Variants in CSMD3 observed in about 807,000 individuals in gnomAD.
The protein encoded by CSMD3 is CUB and Sushi multiple domains 3, also known as CUB and sushi domain-containing protein 3.
CSMD3 carries 177 observed loss-of-function variants against 435.2 expected under a neutral mutation model. The ratio of observed to expected loss-of-function variants is 0.41; its 90% CI spans 0.36 to 0.46. The LOEUF is 0.46. Among genes scored for constraint, CSMD3 ranks in the 20% least tolerant of loss-of-function variants. CSMD3 has a pLI of 0.34. For missense variants in CSMD3, 4,265 were observed against 4,504.6 expected (o/e 0.95, Z 1.52); for synonymous variants, 1,656 against 1,520.5 (o/e 1.09, Z -2.07).
intron 13 of CSMD3, among the ~76,000 whole-genome samples, chr8:112,744,388 T>C (rs1016088108): frequency 1.3e-5 from 2 of 152,128 alleles, no homozygotes; most frequent in African/African-American, 2.4e-5. Flanking sequence ...AAATAAGTAA[T>C]TGAAATTATT....
At chr8:113,402,521 T>A (rs2094514816) in intron 1 of CSMD3, among the ~76,000 whole-genome samples, 1 of 151,310 alleles carries the variant, frequency 6.6e-6, no homozygotes, top group African/African-American at 2.4e-5. Context: ...GTTAGGTGTT[T>A]AGGATATAAT....
intron 4 of CSMD3, among the ~76,000 whole-genome samples, chr8:113,136,242 A>AC (rs2091415857): frequency 6.6e-6 from 1 of 151,850 alleles, no homozygotes; most frequent in Non-Finnish European, 1.5e-5. Flanking sequence ...AGTATTTGAT[A>AC]CCAAGCACTT....
rs573105223 is a variant in CSMD3, at chr8:113,099,014, T to C, written c.710-51A>G. 6.6e-6 allele frequency: 8 copies of C among 1,215,500 alleles called. No individual in the cohort carries two copies. The South Asian group carries it at 7.3e-5, about 11-fold the overall frequency. The allele number at this position is 1,215,500 out of a possible 1,614,324, so 75.3% of individuals were successfully genotyped here. ...TTGTAAGTTATTGAGATAAATGCAA[T>C]TGTTCAGTTGTAAGTAAAGCAAGTC... On this transcript the variant is annotated intron_variant, in intron 4 of 70. Transcript: ENST00000297405.
chr8:113,222,782 A>G (rs542016056), intron 3 of CSMD3, among the ~76,000 whole-genome samples: 260 of 151,176 alleles, frequency 1.7e-3, no homozygotes, highest in South Asian at 2.9e-3. Context: ...TGTGATTGTG[A>G]TTTTTATAAT....
At chr8:112,393,703 A>C (rs1830631793) in intron 35 of CSMD3, among the ~76,000 whole-genome samples, 1 of 152,274 alleles carries the variant, frequency 6.6e-6, no homozygotes, top group South Asian at 2.1e-4. Flanking sequence ...CTGGTGAAAT[A>C]ACCATGTCAA....
chr8:112,689,270 C>T (rs756982827), intron 14 of CSMD3, among the ~76,000 whole-genome samples: 8 of 152,020 alleles, frequency 5.3e-5, no homozygotes, highest in Non-Finnish European at 1.0e-4. Context: ...TAATTGAGCA[C>T]ACCAAGTGCG....
At chr8:113,355,993 A>G (rs144477607) in intron 1 of CSMD3, among the ~76,000 whole-genome samples, 337 of 151,510 alleles carry the variant, frequency 2.2e-3, no homozygotes, top group African/African-American at 7.8e-3. Context: ...ACATGATTTT[A>G]GCAAGTCTAA....
intron 28 of CSMD3, among the ~76,000 whole-genome samples, chr8:112,513,411 G>A (rs1167587626): frequency 6.6e-6 from 1 of 152,118 alleles, no homozygotes; most frequent in East Asian, 1.9e-4. Flanking sequence ...AGAGAGACAT[G>A]GAGGAACAGT....
Position 112,587,208 on chromosome 8 carries a change from T to C in CSMD3, c.3743A>G (p.Asn1248Ser), listed in dbSNP as rs938042830. The C allele has an allele frequency of 3.1e-6, 5 of 1,610,162 alleles. No homozygotes were observed. Among genetic ancestry groups the C allele is most frequent in the Non-Finnish European group, 4.2e-6 (5 of 1,177,338 alleles). The change falls in exon 23 of 71, where the codon AAT becomes AGT. Residue 1248 changes from asparagine (N) to serine (S), a missense_variant. Coordinates refer to ENST00000297405, the MANE Select transcript of CSMD3 (RefSeq NM_198123.2). ...VAECGASATNNEGILLSPNYP... is the reference protein window; with the variant it reads ...VAECGASATNSEGILLSPNYP... ...ATTTGGAGACAGCAAAATTCCTTCA[T>C]TATTCGTTGCAGATGCACCACATTC...
intron 5 of CSMD3, among the ~76,000 whole-genome samples, chr8:113,095,080 A>G (rs1165632678): frequency 6.6e-6 from 1 of 152,078 alleles, no homozygotes; most frequent in Admixed American, 6.6e-5. Flanking sequence ...CAGAAAAAAA[A>G]AAAATCACAT....
intron 27 of CSMD3, among the ~76,000 whole-genome samples, chr8:112,529,025 GTCT>G (rs757888870): frequency 4.3e-4 from 66 of 152,186 alleles, no homozygotes; most frequent in Non-Finnish European, 8.8e-4. Context: ...GATGTCCCAA[GTCT>G]TCTTTGCTGC....
rs553780496 is a variant in CSMD3 at position 112,381,178 on chromosome 8, T to C, written c.6032-722A>G. Among the ~76,000 whole-genome samples the C allele has an allele frequency of 2.1e-3, 308 of 143,746 alleles. 2 individuals carry two copies. The highest frequency in any genetic ancestry group is 7.2e-3 in the African/African-American group (295 of 41,028). 94.3% of individuals were successfully genotyped at this position (143,746 alleles called of 152,430 possible). ...ACAGCTAGATAGATAGATTATTCTA[T>C]ACCAGGTCAAGTGCCTCAATGTTTC... On this transcript the variant is annotated intron_variant, in intron 37 of 70. Transcript: ENST00000297405.
At chr8:113,308,130 A>C (rs2093836333) in intron 2 of CSMD3, among the ~76,000 whole-genome samples, 1 of 151,692 alleles carries the variant, frequency 6.6e-6, no homozygotes. Context: ...ATATTACAAA[A>C]TTTTGCTATT....
At chr8:112,253,825 GT>G (rs1445897406) in intron 63 of CSMD3, among the ~76,000 whole-genome samples, 1 of 151,962 alleles carries the variant, frequency 6.6e-6, no homozygotes, top group Non-Finnish European at 1.5e-5. Context: ...TATACAATTA[GT>G]GCTTTATTGA....
chr8:113,168,519 CAAAAAAAAAAAAAAA>C (rs71281204), intron 4 of CSMD3, among the ~76,000 whole-genome samples: 2 of 17,018 alleles, frequency 1.2e-4, no homozygotes, highest in African/African-American at 3.8e-4. Context: ...GACTCTGTCT[CAAAAAAAAAAAAAAA>C]AAAAAAAAAA....
chr8:112,786,406 C>CA (rs1166915066), intron 13 of CSMD3, among the ~76,000 whole-genome samples: 1 of 151,748 alleles, frequency 6.6e-6, no homozygotes, highest in Non-Finnish European at 1.5e-5. Flanking sequence ...GCAGCCAAAG[C>CA]AAAAAGGGAC....
chr8:112,564,979 T>C lies in CSMD3; in HGVS notation c.4043-8025A>G, dbSNP rs549213166. ...AATTAATTGTATGTAACATGTAAATTAGCAGGTCCTTAGATATGTAAGTTT... is the reference window on the plus strand; with the variant it reads ...AATTAATTGTATGTAACATGTAAATCAGCAGGTCCTTAGATATGTAAGTTT... On this transcript the variant is annotated intron_variant, in intron 24 of 70. Transcript: ENST00000297405. 7.2e-5 allele frequency among the ~76,000 whole-genome samples: 11 copies of C among 152,206 alleles called. 1 individual carries two copies. Among genetic ancestry groups the C allele is most frequent in the African/African-American group, 2.6e-4 (11 of 41,566 alleles).
intron 56 of CSMD3, 98 bp from the exon 57 acceptor site, chr8:112,289,636 G>T: frequency 1.3e-6 from 1 of 795,826 alleles, no homozygotes; most frequent in Non-Finnish European, 2.0e-6. Flanking sequence ...TAAATGTTCT[G>T]CTGAAACATC....
chr8:113,096,559 T>A (rs1054646541), intron 5 of CSMD3, among the ~76,000 whole-genome samples: 4 of 151,724 alleles, frequency 2.6e-5, no homozygotes, highest in African/African-American at 7.3e-5. Flanking sequence ...CACAGTGACT[T>A]TTTTTTTAAG....
Sources: gnomAD v4.1 joint callset for allele counts (sites outside exome capture counted in the v4.1 genomes callset) on GRCh38, gnomAD v4.1.1 for gene constraint, MANE v1.5 for transcripts, NCBI Gene and HGNC (gene_info 2026-07-23, HGNC 2026-07-21) for gene names.